The following CHST15 variants were observed in gnomAD, a reference collection of about 807,000 sequenced individuals.
CHST15 encodes the protein B cell RAG associated protein (GALNAC4S-6ST).
CHST15 carries 30 observed loss-of-function variants against 53.6 expected under a neutral mutation model. The observed-to-expected ratio is 0.56, with a 90% CI of 0.42 to 0.76. The LOEUF is 0.76. Among genes scored for constraint, CHST15 ranks in the 30% least tolerant of loss-of-function variants. CHST15 has a pLI of 0.00. For synonymous variants in CHST15, 296 were observed against 289.8 expected (o/e 1.02, Z -0.22); for missense variants, 627 against 740.5 (o/e 0.85, Z 1.78).
intron 3 of CHST15, among the ~76,000 whole-genome samples, chr10:124,042,807 C>A: frequency 6.6e-6 from 1 of 152,104 alleles, no homozygotes; most frequent in South Asian, 2.1e-4. Context: ...AGTGGCTGGG[C>A]AGCGATGACA....
intron 1 of CHST15, among the ~76,000 whole-genome samples, chr10:124,091,291 C>A (rs1240177148): frequency 6.6e-6 from 1 of 152,082 alleles, no homozygotes; most frequent in Non-Finnish European, 1.5e-5. Context: ...TTAGTAAGTG[C>A]CATGTTCTGG....
At chr10:124,091,935 G>C (rs1300491676) in intron 1 of CHST15, among the ~76,000 whole-genome samples, 2 of 152,036 alleles carry the variant, frequency 1.3e-5, no homozygotes, top group African/African-American at 4.8e-5. Flanking sequence ...GGGCGGGAAC[G>C]TGGGCACCCG....
chr10:124,015,064 C>T (rs1946545044), intron 6 of CHST15, among the ~76,000 whole-genome samples: 2 of 152,282 alleles, frequency 1.3e-5, no homozygotes, highest in Admixed American at 6.5e-5. Flanking sequence ...TCTATCTGCT[C>T]CAAACGCCCC....
intron 6 of CHST15, chr10:124,020,326 G>C (rs1946728905): frequency 2.0e-6 from 2 of 985,456 alleles, no homozygotes; most frequent in South Asian, 9.4e-5. Context: ...CCAATGGCTG[G>C]TTCCAAAGTG....
intron 1 of CHST15, among the ~76,000 whole-genome samples, chr10:124,080,475 G>C (rs1297483307): frequency 6.6e-6 from 1 of 152,208 alleles, no homozygotes; most frequent in Non-Finnish European, 1.5e-5. Context: ...CTTGTCTGCT[G>C]CCTGTCTCTC....
intron 5 of CHST15, among the ~76,000 whole-genome samples, chr10:124,026,550 C>T (rs1947018521): frequency 6.6e-6 from 1 of 152,178 alleles, no homozygotes; most frequent in South Asian, 2.1e-4. Flanking sequence ...CTTCAAAATC[C>T]ACTATCCCAT....
At chr10:124,079,639 CAACA>C (rs767241296) in intron 1 of CHST15, among the ~76,000 whole-genome samples, 6 of 152,168 alleles carry the variant, frequency 3.9e-5, no homozygotes, top group Non-Finnish European at 8.8e-5. Context: ...AGAGGACAAC[CAACA>C]GGAGGGCCCT....
chr10:124,020,693 A>G (rs1946746605), intron 6 of CHST15: 1 of 996,896 alleles, frequency 1.0e-6, no homozygotes, highest in Non-Finnish European at 1.2e-6. Flanking sequence ...CAGCATGGAA[A>G]ACTATCCCGG....
At chr10:124,041,428 G>A (rs1002987316) in intron 4 of CHST15, among the ~76,000 whole-genome samples, 1 of 152,130 alleles carries the variant, frequency 6.6e-6, no homozygotes, top group Admixed American at 6.5e-5. Context: ...CAAATAACAA[G>A]TCTAGAGATC....
chr10:124,058,121 G>A (rs375386439), intron 1 of CHST15, among the ~76,000 whole-genome samples: 2 of 152,076 alleles, frequency 1.3e-5, no homozygotes, highest in African/African-American at 4.8e-5. Context: ...GTAGGGACTA[G>A]ATTTTCTCAT....
At chr10:124,038,232 G>T (rs767756773) in intron 5 of CHST15, among the ~76,000 whole-genome samples, 2 of 151,670 alleles carry the variant, frequency 1.3e-5, no homozygotes, top group Non-Finnish European at 2.9e-5. Flanking sequence ...TCAGCCTCCC[G>T]AGTAGCTGGG....
chr10:124,063,876 A>T (rs1948669740), intron 1 of CHST15, among the ~76,000 whole-genome samples: 1 of 152,168 alleles, frequency 6.6e-6, no homozygotes, highest in African/African-American at 2.4e-5. Flanking sequence ...GGGAAGGGAG[A>T]AGTGAGAGTC....
chr10:124,016,498 T>G (rs988147033), intron 6 of CHST15, among the ~76,000 whole-genome samples: 1 of 152,194 alleles, frequency 6.6e-6, no homozygotes. Context: ...GGATCTCCTC[T>G]GAGCAGAGGC....
At chr10:124,022,372 C>T (rs1033506080) in intron 5 of CHST15, among the ~76,000 whole-genome samples, 1 of 152,174 alleles carries the variant, frequency 6.6e-6, no homozygotes, top group Non-Finnish European at 1.5e-5. Context: ...TGCTTTAACC[C>T]TAGAAGGAAA....
chr10:124,008,625 C>A lies in CHST15; in HGVS notation c.*1524G>T, dbSNP rs7067830. The A allele has an allele frequency of 5.6e-3, 5,822 of 1,031,500 alleles. 144 individuals carry two copies. In the African/African-American group the frequency reaches 0.061, roughly 11 times the overall value. 63.9% of individuals were successfully genotyped at this position (1,031,500 alleles called of 1,614,324 possible). A position where few individuals can be genotyped will look rare whatever the true frequency, so the allele number is the denominator to read the frequency against. On this transcript the variant is annotated 3_prime_UTR_variant, in exon 8 of 8. Coordinates refer to ENST00000435907, the MANE Select transcript of CHST15 (RefSeq NM_001270764.2). ...TCTGATGGCAGAAAGACAACACCAG[C>A]AGAAAGACGGCTGAACAACTGCAGA...
chr10:124,039,345 G>A (rs111314410), intron 4 of CHST15, among the ~76,000 whole-genome samples: 16 of 152,312 alleles, frequency 1.1e-4, no homozygotes, highest in African/African-American at 3.4e-4. Context: ...CAGGAGCCTG[G>A]AGCTGGTACT....
Position 124,042,420 on chromosome 10 carries a change from C to T in CHST15, c.914G>A (p.Arg305Gln), listed in dbSNP as rs753109595. The change falls in exon 4 of 8, where the codon CGA becomes CAA. Residue 305 changes from arginine to glutamine, a missense_variant. Arg to Gln is a conservative substitution (Grantham distance 43). Coordinates refer to ENST00000435907, the MANE Select transcript of CHST15 (RefSeq NM_001270764.2). ...ATAATCTTCCACGGGATAGCGGTCT[C>T]GCAGCCCATCTCTTAGGCGGACGAT... ...FGIVRLRDGL[R>Q]DRYPVEDYLD... 10 of 1,614,036 alleles carry T rather than the reference C, an allele frequency of 6.2e-6. No individual in the cohort carries two copies. In the East Asian group the frequency reaches 1.6e-4, roughly 25 times the overall value.
rs774535626 is a variant in CHST15 at position 124,038,509 on chromosome 10, G to A, written c.1190+6C>T. The A allele has an allele frequency of 6.2e-7, 1 of 1,613,398 alleles. No homozygotes were observed. The highest frequency in any genetic ancestry group is 8.5e-7 in the Non-Finnish European group (1 of 1,179,370). ...ACCCCAAATACAACACACAGAAACT[G>A]CTCACCTCTCCACAGGGTCCCTGAG... On this transcript the variant is annotated splice_donor_region_variant and intron_variant, in intron 5 of 7. Coordinates refer to ENST00000435907, the MANE Select transcript of CHST15 (RefSeq NM_001270764.2).
intron 1 of CHST15, among the ~76,000 whole-genome samples, chr10:124,067,857 C>T (rs117420611): frequency 0.017 from 2,609 of 152,236 alleles, 122 homozygotes; most frequent in East Asian, 0.15. Flanking sequence ...TCTCGTGATC[C>T]GCTGGCCTCG....
Sources: gnomAD v4.1 joint callset for allele counts (sites outside exome capture counted in the v4.1 genomes callset) on GRCh38, gnomAD v4.1.1 for gene constraint, MANE v1.5 for transcripts, NCBI Gene and HGNC (gene_info 2026-07-23, HGNC 2026-07-21) for gene names.